Variants in CYB5R3 observed in about 807,000 individuals in gnomAD.
CYB5R3 encodes the protein cytochrome b5 reductase 3.
CYB5R3 carries 28 observed loss-of-function variants against 36.5 expected under a neutral mutation model. The ratio of observed to expected loss-of-function variants is 0.77; its 90% confidence interval spans 0.57 to 1.05. The LOEUF (loss-of-function observed/expected upper bound fraction) is 1.05, where lower values mean the gene tolerates loss of function less well. CYB5R3 is among the 50% of genes least tolerant of loss of function. The probability of loss-of-function intolerance (pLI) is 0.00; values close to 1 mark genes in which losing one functional copy is unlikely to be tolerated. For synonymous variants in CYB5R3, 181 were observed against 159.8 expected, an observed-to-expected ratio of 1.13 and a Z score of -1.00; for missense variants, 474 against 408.9, an observed-to-expected ratio of 1.16 and a Z score of -1.37.
At chr22:42,642,116 CTTT>C (rs11329559) in intron 1 of CYB5R3, among the ~76,000 whole-genome samples, 7 of 147,010 alleles carry the variant, frequency 4.8e-5, no homozygotes, top group African/African-American at 1.0e-4. Flanking sequence ...CATAAGAGCT[CTTT>C]TTTTTTTTTT....
intron 4 of CYB5R3, among the ~76,000 whole-genome samples, chr22:42,629,315 G>A (rs1035981160): frequency 1.3e-5 from 2 of 152,082 alleles, no homozygotes; most frequent in Non-Finnish European, 2.9e-5. Flanking sequence ...GCTGACTTCA[G>A]GGCCTTTGCA....
At chr22:42,645,630 C>A (rs8190397) in intron 1 of CYB5R3, among the ~76,000 whole-genome samples, 15 of 152,034 alleles carry the variant, frequency 9.9e-5, no homozygotes, top group Non-Finnish European at 1.5e-4. Flanking sequence ...AGGGGCTGCC[C>A]GGAGCCAGGC....
intron 1 of CYB5R3, among the ~76,000 whole-genome samples, chr22:42,644,913 C>T (rs544213238): frequency 1.3e-5 from 2 of 152,154 alleles, no homozygotes; most frequent in Non-Finnish European, 2.9e-5. Flanking sequence ...CCATTTCCTC[C>T]CCGGCCCTCC....
At chr22:42,627,001 G>A (rs1328479949) in intron 7 of CYB5R3, among the ~76,000 whole-genome samples, 1 of 152,186 alleles carries the variant, frequency 6.6e-6, no homozygotes, top group African/African-American at 2.4e-5. Context: ...CTCTACCAGT[G>A]GGTTCCACAC....
chr22:42,628,085 C>T, intron 5 of CYB5R3, 67 bp downstream of exon 5: 1 of 1,605,212 alleles, frequency 6.2e-7, no homozygotes, highest in Non-Finnish European at 8.5e-7. Context: ...CACCCTGCAC[C>T]CAGCACGCCC....
At chr22:42,631,181 C>G (rs1409381003) in intron 3 of CYB5R3, 193 bp from the exon 4 acceptor site, 11 of 742,996 alleles carry the variant, frequency 1.5e-5, no homozygotes, top group Non-Finnish European at 2.0e-5. Flanking sequence ...TTCACTCCTG[C>G]TGGTGCCACT....
At chr22:42,648,071 T>G (rs1929609959) in intron 1 of CYB5R3, among the ~76,000 whole-genome samples, 1 of 152,152 alleles carries the variant, frequency 6.6e-6, no homozygotes, top group African/African-American at 2.4e-5. Context: ...GGGCCGGGTG[T>G]TGCATGGAGG....
At chr22:42,620,894 C>T (rs1337732739) in intron 8 of CYB5R3, among the ~76,000 whole-genome samples, 3 of 152,178 alleles carry the variant, frequency 2.0e-5, no homozygotes, top group South Asian at 2.1e-4. Flanking sequence ...CATTATAGTC[C>T]GTTTTTGTAC....
At chr22:42,631,970 G>C (rs1015228885) in intron 2 of CYB5R3, 1 of 159,938 alleles carries the variant, frequency 6.3e-6, no homozygotes, top group Non-Finnish European at 1.4e-5. Flanking sequence ...AGGGCAGAAA[G>C]TGGGAGCCTT....
intron 5 of CYB5R3, 128 bp downstream of exon 5, chr22:42,628,024 G>A (rs1170021341): frequency 2.2e-6 from 3 of 1,341,032 alleles, no homozygotes; most frequent in South Asian, 1.2e-5. Context: ...TTCCCAGAGA[G>A]GGACAGCTGG....
At chr22:42,630,061 A>G (rs1889216724) in intron 4 of CYB5R3, among the ~76,000 whole-genome samples, 1 of 152,148 alleles carries the variant, frequency 6.6e-6, no homozygotes, top group Admixed American at 6.5e-5. Context: ...TGGCCTCCCA[A>G]AGTGGCTTAC....
intron 1 of CYB5R3, among the ~76,000 whole-genome samples, chr22:42,647,718 C>CA (rs200767974): frequency 0.33 from 47,724 of 143,032 alleles, 8,245 homozygotes; most frequent in South Asian, 0.46. Context: ...GACTCCATCT[C>CA]AAAAAAAAAA....
At chr22:42,645,208 C>T (rs1038452876) in intron 1 of CYB5R3, among the ~76,000 whole-genome samples, 2 of 152,182 alleles carry the variant, frequency 1.3e-5, no homozygotes, top group African/African-American at 4.8e-5. Context: ...TGGAGCAGAC[C>T]GCAGGATCTG....
At position 42,619,434 on chromosome 22, in the gene CYB5R3, G is replaced by A; in HGVS notation, c.*339C>T. 1 of 318,774 alleles carries A rather than the reference G, an allele frequency of 3.1e-6. No individual in the cohort carries two copies. Among genetic ancestry groups the A allele is most frequent in the South Asian group, 4.8e-5 (1 of 20,922 alleles). The allele number at this position is 318,774 out of a possible 1,614,324, so 19.7% of individuals were successfully genotyped here. On this transcript the variant is annotated 3_prime_UTR_variant, in exon 9 of 9. Coordinates refer to ENST00000352397, the MANE Select transcript of CYB5R3 (RefSeq NM_000398.7). ...CATCCCGACTATGGTCCACGGCCGGGAATGGTGGGCAGACGGGGCTGCTGG... is the reference window on the plus strand; with the variant it reads ...CATCCCGACTATGGTCCACGGCCGGAAATGGTGGGCAGACGGGGCTGCTGG...
chr22:42,631,047 T>A, intron 3 of CYB5R3, 59 bp from the exon 4 acceptor site: 1 of 1,475,248 alleles, frequency 6.8e-7, no homozygotes, highest in East Asian at 2.3e-5. Context: ...GACCCCTGGG[T>A]CTTGTCAACC....
In CYB5R3 at chr22:42,618,469, G is replaced by A. The variant is rs1446392019; in HGVS notation, c.*1304C>T. On this transcript the variant is annotated 3_prime_UTR_variant, in exon 9 of 9. Coordinates refer to ENST00000352397, the MANE Select transcript of CYB5R3 (RefSeq NM_000398.7). ...GGAGAATGGCGTGAACCCGGGAGGC[G>A]GAGCTTGCAGTGAGCCGAGATCCCG... 1.0e-4 allele frequency: 15 copies of A among 146,914 alleles called. No homozygotes were observed. The highest frequency in any genetic ancestry group is 2.3e-4 in the African/African-American group (9 of 38,654). 9.1% of individuals were successfully genotyped at this position (146,914 alleles called of 1,614,324 possible).
chr22:42,640,062 C>T (rs1369833049), intron 1 of CYB5R3: 2 of 1,613,840 alleles, frequency 1.2e-6, no homozygotes, highest in Non-Finnish European at 1.7e-6. Flanking sequence ...GCAAAGCTTC[C>T]TTAACTGTGA....
intron 7 of CYB5R3, among the ~76,000 whole-genome samples, chr22:42,627,042 T>C (rs755464305): frequency 6.6e-6 from 1 of 152,174 alleles, no homozygotes; most frequent in Non-Finnish European, 1.5e-5. Context: ...TTCTGAGTTT[T>C]GGAGGAAGCA....
chr22:42,634,726 C>T (rs6002832), intron 2 of CYB5R3, among the ~76,000 whole-genome samples: 3 of 130,486 alleles, frequency 2.3e-5, no homozygotes, highest in Non-Finnish European at 3.2e-5. Flanking sequence ...CCCAGGTTCA[C>T]GCCATTCTCC....
Sources: gnomAD v4.1 joint callset for allele counts (sites outside exome capture counted in the v4.1 genomes callset) on GRCh38, gnomAD v4.1.1 for gene constraint, MANE v1.5 for transcripts, NCBI Gene and HGNC (gene_info 2026-07-23, HGNC 2026-07-21) for gene names.